CCDC57: variants seen among roughly 807,000 people sequenced by gnomAD.
The protein encoded by CCDC57 is coiled-coil domain containing 57, also known as coiled-coil domain-containing protein 57.
Under a neutral mutation model 118.9 loss-of-function variants are expected in CCDC57, and 118 were observed. The ratio of observed to expected loss-of-function variants is 0.99; its 90% CI spans 0.86 to 1.16. The LOEUF (loss-of-function observed/expected upper bound fraction) is 1.16, where lower values mean the gene tolerates loss of function less well. Among genes scored for constraint, CCDC57 ranks in the 50% most tolerant of loss-of-function variants. The pLI, the probability that CCDC57 is intolerant of heterozygous loss-of-function variation, is 0.00. For synonymous variants in CCDC57, 527 were observed against 532.9 expected, an observed-to-expected ratio of 0.99 and a Z score of 0.15; for missense variants, 1,300 against 1,320.7, an observed-to-expected ratio of 0.98 and a Z score of 0.24.
intron 7 of CCDC57, among the ~76,000 whole-genome samples, chr17:82,191,975 A>AC (rs1479923764): frequency 7.0e-6 from 1 of 143,682 alleles, no homozygotes; most frequent in Non-Finnish European, 1.5e-5. Context: ...ACCTAATTCT[A>AC]CTTTTTTATG....
intron 9 of CCDC57, among the ~76,000 whole-genome samples, chr17:82,180,705 G>A (rs2046098950): frequency 6.6e-6 from 1 of 152,206 alleles, no homozygotes; most frequent in Non-Finnish European, 1.5e-5. Context: ...TCGATCTCCT[G>A]ACCTCGTGAT....
intron 9 of CCDC57, among the ~76,000 whole-genome samples, chr17:82,179,588 C>T (rs534980852): frequency 6.6e-6 from 1 of 152,084 alleles, no homozygotes; most frequent in Non-Finnish European, 1.5e-5. Flanking sequence ...TGGGAGAGCC[C>T]CCAGAGCAAG....
At chr17:82,144,585 TA>T (rs58809482) in intron 16 of CCDC57, among the ~76,000 whole-genome samples, 72,444 of 151,984 alleles carry the variant, frequency 0.48, 18,057 homozygotes, top group East Asian at 0.88. Flanking sequence ...CCCACTGTGG[TA>T]AACAGGGAAC....
In CCDC57 at chr17:82,179,010, C is replaced by G; in HGVS notation, c.1374+17G>C. 1 of 1,611,278 alleles carries G rather than the reference C, an allele frequency of 6.2e-7. No individual in the cohort carries two copies. Among genetic ancestry groups the G allele is most frequent in the Non-Finnish European group, 8.5e-7 (1 of 1,178,394 alleles). The stretch of plus-strand genomic sequence containing the variant: ...AGAGACGCCGAGAAGGCCCCAGGCC[C>G]TGGTGGCCGCACACACCTGACTTTT... On this transcript the variant is annotated intron_variant, in intron 10 of 19. Transcript: ENST00000665763.
chr17:82,133,183 C>A (rs2038665069), intron 17 of CCDC57, among the ~76,000 whole-genome samples: 1 of 151,954 alleles, frequency 6.6e-6, no homozygotes, highest in Non-Finnish European at 1.5e-5. Flanking sequence ...CCAGCCTGGG[C>A]AACATGGCAA....
chr17:82,172,495 T>G lies in CCDC57; in HGVS notation c.1729+143A>C, dbSNP rs2044873582. On this transcript the variant is annotated intron_variant, in intron 12 of 19. Coordinates refer to ENST00000665763, the Ensembl canonical transcript of CCDC57. This position sits in a 1 kb window ranked among gnomAD's most constrained non-coding sequence, Gnocchi z 5.2. ...TGGAGAAAAAGCAGTTTTCATACTT[T>G]GAGTTTATTACAGGGGATGTTAACT... 1.5e-6 allele frequency: 1 copy of G among 682,728 alleles called. No homozygotes were observed. Among genetic ancestry groups the G allele is most frequent in the Non-Finnish European group, 2.5e-6 (1 of 399,020 alleles). 42.3% of individuals were successfully genotyped at this position (682,728 alleles called of 1,614,324 possible).
chr17:82,156,115 G>A (rs1256124792), intron 15 of CCDC57: 1 of 152,110 alleles, frequency 6.6e-6, no homozygotes, highest in African/African-American at 2.4e-5. Context: ...GGCCAACATG[G>A]TGAAACCCTG....
intron 11 of CCDC57, among the ~76,000 whole-genome samples, chr17:82,176,037 G>T (rs891127927): frequency 6.6e-6 from 1 of 152,202 alleles, no homozygotes; most frequent in African/African-American, 2.4e-5. Context: ...CTGAGGCGGG[G>T]CTTGCTTGTC....
intron 16 of CCDC57, among the ~76,000 whole-genome samples, chr17:82,147,650 T>C (rs1441906787): frequency 1.6e-5 from 2 of 124,588 alleles, no homozygotes; most frequent in East Asian, 2.4e-4. Flanking sequence ...GATGGGTGGA[T>C]GGATACATGG....
At chr17:82,183,048 G>T (rs1187851505) in intron 9 of CCDC57, among the ~76,000 whole-genome samples, 1 of 152,110 alleles carries the variant, frequency 6.6e-6, no homozygotes, top group Admixed American at 6.5e-5. Context: ...CGGGGAAACC[G>T]CCCCCATGAG....
Position 82,107,872 on chromosome 17 carries a change from C to T in CCDC57, c.2900-6006G>A, listed in dbSNP as rs115394123. 9.2e-3 allele frequency among the ~76,000 whole-genome samples: 1,399 copies of T among 152,286 alleles called. 18 individuals are homozygous for T. The highest frequency in any genetic ancestry group is 0.032 in the African/African-American group (1,344 of 41,540). ...CGGGTGCTCTCAGGACAGATGCCTA[C>T]AGAACAGGCTTTTCTAAAGAAAGGG... On this transcript the variant is annotated intron_variant, in intron 19 of 19. Transcript: ENST00000665763.
At chr17:82,199,710 C>T (rs1359587329) in intron 3 of CCDC57, among the ~76,000 whole-genome samples, 1 of 152,136 alleles carries the variant, frequency 6.6e-6, no homozygotes, top group Non-Finnish European at 1.5e-5. Context: ...TGCACGGACT[C>T]GGCGCCCAGA....
rs562207192 is a variant in CCDC57, at chr17:82,180,179, G to A, written c.1212-990C>T. ...CTGCGTGGCCAGGACTGAGGACGCC[G>A]CTAGGGTGCAGAGTGACCCTGGCTG... On this transcript the variant is annotated intron_variant, in intron 9 of 19. Coordinates refer to ENST00000665763, the Ensembl canonical transcript of CCDC57. 1.2e-3 allele frequency among the ~76,000 whole-genome samples: 183 copies of A among 152,360 alleles called. 2 individuals carry two copies. The highest frequency in any genetic ancestry group is 4.0e-3 in the African/African-American group (167 of 41,592).
intron 7 of CCDC57, among the ~76,000 whole-genome samples, chr17:82,191,001 T>C (rs2047607415): frequency 6.6e-6 from 1 of 151,654 alleles, no homozygotes; most frequent in Non-Finnish European, 1.5e-5. Context: ...CCAGCCCAAA[T>C]AATAAATTCC....
At chr17:82,127,559 T>C in intron 19 of CCDC57, 133 bp downstream of exon 18, 1 of 1,446,478 alleles carries the variant, frequency 6.9e-7, no homozygotes, top group Non-Finnish European at 9.1e-7. Flanking sequence ...ACTCCATGCA[T>C]TACTCAACCA....
intron 16 of CCDC57, among the ~76,000 whole-genome samples, chr17:82,141,578 A>G (rs1473971300): frequency 6.6e-6 from 1 of 152,192 alleles, no homozygotes; most frequent in East Asian, 1.9e-4. Flanking sequence ...AGAGATGGTG[A>G]ATTAGCACTC....
intron 7 of CCDC57, among the ~76,000 whole-genome samples, chr17:82,190,757 C>T (rs1365391791): frequency 1.3e-5 from 2 of 150,236 alleles, no homozygotes; most frequent in Non-Finnish European, 3.0e-5. Flanking sequence ...CCACCCAGAA[C>T]CCATGAGTTC....
intron 2 of CCDC57, among the ~76,000 whole-genome samples, chr17:82,206,369 G>A (rs985514526): frequency 3.3e-5 from 5 of 152,162 alleles, no homozygotes; most frequent in Non-Finnish European, 7.4e-5. Flanking sequence ...TGCAATGTTG[G>A]GCGTGTCAGG....
At chr17:82,178,646 G>C (rs778465747) in intron 10 of CCDC57, 41 bp from the exon 10 acceptor site, 4 of 1,599,522 alleles carry the variant, frequency 2.5e-6, no homozygotes, top group Non-Finnish European at 8.5e-7. Context: ...GTGGATGACC[G>C]GGCAGCTCCC....
Sources: gnomAD v4.1 joint callset for allele counts (sites outside exome capture counted in the v4.1 genomes callset) on GRCh38, gnomAD v4.1.1 for gene constraint, Gnocchi (gnomAD v3.1) non-coding constraint, MANE v1.5 for transcripts, NCBI Gene and HGNC (gene_info 2026-07-23, HGNC 2026-07-21) for gene names.